Variants in SHANK2 observed in about 807,000 individuals in gnomAD.
The protein encoded by SHANK2 is SH3 and multiple ankyrin repeat domains protein 2.
A neutral mutation model predicts 133.7 loss-of-function variants in SHANK2; 43 were observed. The ratio of observed to expected loss-of-function variants is 0.32; its 90% CI spans 0.25 to 0.41. The LOEUF (loss-of-function observed/expected upper bound fraction) is 0.41, where lower values mean the gene tolerates loss of function less well. SHANK2 is among the 10% of genes least tolerant of loss of function. The probability of loss-of-function intolerance (pLI) is 1.00; values close to 1 mark genes in which losing one functional copy is unlikely to be tolerated. For missense variants in SHANK2, 1,994 were observed against 2,235.8 expected, an observed-to-expected ratio of 0.89 and a Z score of 2.18; for synonymous variants, 1,017 against 952.8, an observed-to-expected ratio of 1.07 and a Z score of -1.24.
intron 11 of SHANK2, among the ~76,000 whole-genome samples, chr11:70,869,806 T>C (rs914988013): frequency 2.6e-5 from 4 of 152,344 alleles, no homozygotes; most frequent in Admixed American, 1.3e-4. Flanking sequence ...GGATGAGAAC[T>C]GACACTGTGG....
chr11:71,139,179 A>G (rs1952504765), intron 3 of SHANK2, among the ~76,000 whole-genome samples: 1 of 152,172 alleles, frequency 6.6e-6, no homozygotes, highest in South Asian at 2.1e-4. Context: ...GCCAGGTCGC[A>G]AGGATCAGCC....
intron 11 of SHANK2, among the ~76,000 whole-genome samples, chr11:70,853,260 C>T (rs541432396): frequency 6.6e-6 from 1 of 152,348 alleles, no homozygotes; most frequent in African/African-American, 2.4e-5. Context: ...AAACTCCAGC[C>T]AGGTGGACCT....
intron 12 of SHANK2, among the ~76,000 whole-genome samples, chr11:70,809,033 AG>A (rs1422935593): frequency 6.6e-6 from 1 of 152,340 alleles, no homozygotes; most frequent in East Asian, 1.9e-4. Context: ...ACACCTTAAC[AG>A]GGCCCAGAGA....
chr11:71,160,475 G>A (rs576097794), intron 2 of SHANK2, among the ~76,000 whole-genome samples: 11 of 152,268 alleles, frequency 7.2e-5, no homozygotes, highest in African/African-American at 2.2e-4. Context: ...GCCAGCATGC[G>A]TGTTCACGTG....
At chr11:70,712,403 G>T (rs1945807279) in intron 14 of SHANK2, among the ~76,000 whole-genome samples, 1 of 152,178 alleles carries the variant, frequency 6.6e-6, no homozygotes, top group Non-Finnish European at 1.5e-5. Context: ...CATCTCTGGG[G>T]GCCGCTATTG....
chr11:70,545,619 G>C (rs950462242), intron 17 of SHANK2, among the ~76,000 whole-genome samples: 1 of 152,224 alleles, frequency 6.6e-6, no homozygotes, highest in African/African-American at 2.4e-5. Context: ...CACGGTAATT[G>C]CTCATTAAAC....
chr11:70,802,970 G>A (rs528818640), intron 13 of SHANK2, among the ~76,000 whole-genome samples: 16 of 152,282 alleles, frequency 1.1e-4, no homozygotes, highest in South Asian at 2.1e-4. Context: ...ACTGTGCTAC[G>A]TGCTGCATCA....
chr11:71,127,190 A>G (rs1565466543), intron 3 of SHANK2, among the ~76,000 whole-genome samples: 1 of 152,176 alleles, frequency 6.6e-6, no homozygotes, highest in Non-Finnish European at 1.5e-5. Flanking sequence ...AATTGCTGCA[A>G]TCTCATGATA....
At chr11:71,098,049 C>T (rs1951652216) in intron 6 of SHANK2, among the ~76,000 whole-genome samples, 1 of 143,038 alleles carries the variant, frequency 7.0e-6, no homozygotes, top group South Asian at 2.2e-4. Context: ...TGCATGTGTG[C>T]ATGCCTGTGT....
chr11:71,189,315 A>T (rs868950448), intron 2 of SHANK2, among the ~76,000 whole-genome samples: 1 of 152,178 alleles, frequency 6.6e-6, no homozygotes, highest in Non-Finnish European at 1.5e-5. Flanking sequence ...GCTGGTGACC[A>T]ATCAGTGCCT....
At position 71,210,393 on chromosome 11, in the gene SHANK2, A is replaced by G. The variant is rs369134985; in HGVS notation, c.-13+14304T>C. The stretch of plus-strand genomic sequence containing the variant: ...CCTCCCGAGTAGCTGGGACTACAGA[A>G]GCCCACCACCACGCCCGGCTAATTT... On this transcript the variant is annotated intron_variant, in intron 2 of 25. Transcript: ENST00000601538. Among the ~76,000 whole-genome samples the G allele has an allele frequency of 2.3e-4, 35 of 150,304 alleles. No individual in the cohort carries two copies. The East Asian group carries it at 2.6e-3, about 11-fold the overall frequency.
chr11:70,928,100 A>T (rs971388662), intron 10 of SHANK2, among the ~76,000 whole-genome samples: 2 of 152,004 alleles, frequency 1.3e-5, no homozygotes, highest in Non-Finnish European at 2.9e-5. Context: ...ATATACATGT[A>T]TCTTATTGGT....
At chr11:71,088,867 C>T (rs1178137757) in intron 8 of SHANK2, among the ~76,000 whole-genome samples, 2 of 149,218 alleles carry the variant, frequency 1.3e-5, no homozygotes, top group Admixed American at 6.6e-5. Context: ...CCAGAGGCCT[C>T]CCCTCGTCCT....
intron 2 of SHANK2, among the ~76,000 whole-genome samples, chr11:71,168,451 C>A (rs1205418699): frequency 1.3e-5 from 2 of 152,032 alleles, no homozygotes; most frequent in Non-Finnish European, 2.9e-5. Flanking sequence ...GCAATCTCGG[C>A]ACCTTGGGAG....
chr11:70,770,856 G>T (rs1469429831), intron 14 of SHANK2, among the ~76,000 whole-genome samples: 2 of 150,170 alleles, frequency 1.3e-5, no homozygotes, highest in African/African-American at 4.9e-5. Flanking sequence ...GCACAGATCT[G>T]CAGGACCCTG....
At chr11:71,074,013 T>G (rs1393015272) in intron 9 of SHANK2, among the ~76,000 whole-genome samples, 1 of 152,128 alleles carries the variant, frequency 6.6e-6, no homozygotes, top group Non-Finnish European at 1.5e-5. Flanking sequence ...ATGGACAGCA[T>G]GGAGGCGTGG....
chr11:70,715,067 A>G (rs1352213937), intron 14 of SHANK2, among the ~76,000 whole-genome samples: 1 of 152,050 alleles, frequency 6.6e-6, no homozygotes, highest in Non-Finnish European at 1.5e-5. Flanking sequence ...AGCCTCCCAA[A>G]GCACTGGGAT....
At chr11:70,550,611 G>A (rs1215470834) in intron 17 of SHANK2, among the ~76,000 whole-genome samples, 1 of 152,172 alleles carries the variant, frequency 6.6e-6, no homozygotes, top group Non-Finnish European at 1.5e-5. Context: ...GCTCGCATTT[G>A]GTCCCGGATT....
chr11:70,911,832 T>C (rs547723289), intron 10 of SHANK2, among the ~76,000 whole-genome samples: 7 of 151,954 alleles, frequency 4.6e-5, no homozygotes, highest in African/African-American at 1.4e-4. Context: ...CTGTAATCCC[T>C]GCACTTTGGG....
Sources: allele counts gnomAD v4.1 joint callset (sites outside exome capture counted in the v4.1 genomes callset), GRCh38; gene constraint gnomAD v4.1.1; transcripts MANE v1.5; gene names NCBI Gene and HGNC (gene_info 2026-07-23, HGNC 2026-07-21).